Variants in CTTN observed in about 807,000 individuals in gnomAD.
CTTN encodes src substrate cortactin.
Under a neutral mutation model 84.0 loss-of-function variants are expected in CTTN, and 28 were observed. That is an observed-to-expected ratio of 0.33 (90% CI 0.25 to 0.46). CTTN has a LOEUF of 0.46. Ranked by LOEUF, CTTN falls within the 20% of genes least tolerant of loss-of-function variation. The pLI, the probability that CTTN is intolerant of heterozygous loss-of-function variation, is 1.00. For synonymous variants in CTTN, 301 were observed against 288.8 expected (o/e 1.04, Z -0.43); for missense variants, 641 against 723.8 (o/e 0.89, Z 1.31).
intron 12 of CTTN, 116 bp downstream of exon 12, chr11:70,423,111 CGTGGTGGTG>C: frequency 7.9e-7 from 1 of 1,260,870 alleles, no homozygotes; most frequent in Non-Finnish European, 1.1e-6. Context: ...TGATTTCCGT[CGTGGTGGTG>C]GTGGTGGTGG....
intron 17 of CTTN, among the ~76,000 whole-genome samples, chr11:70,434,495 C>T (rs1176785480): frequency 6.6e-6 from 1 of 152,284 alleles, no homozygotes; most frequent in Non-Finnish European, 1.5e-5. Context: ...GAGCGCTGGC[C>T]GTCCCCGTTC....
intron 5 of CTTN, among the ~76,000 whole-genome samples, chr11:70,413,899 A>G (rs920523319): frequency 6.6e-6 from 1 of 152,150 alleles, no homozygotes; most frequent in Non-Finnish European, 1.5e-5. Flanking sequence ...CAGTCTCCAC[A>G]CCAGCGGGTC....
chr11:70,425,837 C>T (rs1436298643), intron 13 of CTTN, among the ~76,000 whole-genome samples: 1 of 152,244 alleles, frequency 6.6e-6, no homozygotes, highest in East Asian at 1.9e-4. Flanking sequence ...GGGCCCTTGA[C>T]AGGGAGCTCG....
At chr11:70,425,518 CT>C in intron 13 of CTTN, 117 bp downstream of exon 13, 1 of 736,036 alleles carries the variant, frequency 1.4e-6, no homozygotes, top group Non-Finnish European at 2.3e-6. Context: ...GTGGTTGTTG[CT>C]GCGTATTTTT....
chr11:70,434,777 G>A (rs1565502343), intron 17 of CTTN, among the ~76,000 whole-genome samples: 3 of 152,228 alleles, frequency 2.0e-5, no homozygotes, highest in Non-Finnish European at 2.9e-5. Context: ...TGCTCCTGAG[G>A]AAGGGGTCCG....
chr11:70,433,241 C>A lies in CTTN; in HGVS notation c.1407C>A (p.Val469=). ...QQGLAYATEA[V]YESAEAPGHY... ...GCCTGGCCTATGCCACAGAGGCTGTCTATGAAAGCGCAGAGGCCCCGGGCC... is the reference window on the plus strand; with the variant it reads ...GCCTGGCCTATGCCACAGAGGCTGTATATGAAAGCGCAGAGGCCCCGGGCC... The change falls in exon 16 of 18, where the codon GTC becomes GTA. Residue 469 remains valine (V), a synonymous_variant. Coordinates refer to ENST00000301843, the MANE Select transcript of CTTN (RefSeq NM_005231.4). 3 of 1,612,982 alleles carry A rather than the reference C, an allele frequency of 1.9e-6. No individual in the cohort carries two copies. Among genetic ancestry groups the A allele is most frequent in the Non-Finnish European group, 2.5e-6 (3 of 1,179,898 alleles).
intron 13 of CTTN, among the ~76,000 whole-genome samples, chr11:70,425,728 C>T (rs2058293212): frequency 6.6e-6 from 1 of 152,196 alleles, no homozygotes; most frequent in Non-Finnish European, 1.5e-5. Context: ...TGGGGCCTGC[C>T]CAACTCCCTG....
chr11:70,403,266 A>G (rs892128710), intron 1 of CTTN, among the ~76,000 whole-genome samples: 4 of 130,164 alleles, frequency 3.1e-5, no homozygotes, highest in African/African-American at 9.7e-5. Context: ...TCGGCTCACT[A>G]CAGCCTCTGT....
chr11:70,412,414 C>G (rs939422769), intron 5 of CTTN, among the ~76,000 whole-genome samples: 1 of 152,002 alleles, frequency 6.6e-6, no homozygotes, highest in African/African-American at 2.4e-5. Flanking sequence ...CAGAGAGAGA[C>G]GCTGTCTCAG....
intron 7 of CTTN, 71 bp from the exon 8 acceptor site, chr11:70,416,937 TTTTGC>T: frequency 9.7e-7 from 1 of 1,033,404 alleles, no homozygotes; most frequent in South Asian, 1.3e-5. Flanking sequence ...CCCTACACAC[TTTTGC>T]TTAGTTTAAC....
At position 70,407,350 on chromosome 11, in the gene CTTN, G is replaced by T. The variant is rs1380855894; in HGVS notation, c.53G>T (p.Gly18Val). The change falls in exon 3 of 18, where the codon GGG (glycine) becomes GTG (valine). Residue 18 changes from glycine (G) to valine (V), a missense_variant. Physicochemically the swap from Gly to Val is moderately radical, Grantham distance 109. Coordinates refer to ENST00000301843, the MANE Select transcript of CTTN (RefSeq NM_005231.4). ...GTGTCCATCGCCCAGGATGACGCGG[G>T]GGCCGATGACTGGGAGACCGACCCT... Reference protein sequence around the residue: ...HAVSIAQDDAGADDWETDPDF... With the variant: ...HAVSIAQDDAVADDWETDPDF... The T allele has an allele frequency of 6.4e-7, 1 of 1,570,710 alleles. No homozygotes were observed. The highest frequency in any genetic ancestry group is 1.2e-5 in the South Asian group (1 of 86,590).
chr11:70,426,004 A>C (rs191970861), intron 13 of CTTN, among the ~76,000 whole-genome samples: 3 of 152,184 alleles, frequency 2.0e-5, no homozygotes, highest in Non-Finnish European at 4.4e-5. Flanking sequence ...TTCAGGGGCT[A>C]TGGACCCACA....
chr11:70,399,228 G>A (rs1266419819), intron 1 of CTTN, among the ~76,000 whole-genome samples: 1 of 151,016 alleles, frequency 6.6e-6, no homozygotes, highest in East Asian at 2.0e-4. Context: ...GGAGATTGGG[G>A]TCTGACGGGA....
At chr11:70,404,140 C>T (rs1220573422) in intron 1 of CTTN, among the ~76,000 whole-genome samples, 2 of 152,118 alleles carry the variant, frequency 1.3e-5, no homozygotes, top group South Asian at 2.1e-4. Context: ...TTAGGATTGC[C>T]GAAGGGAACT....
intron 8 of CTTN, among the ~76,000 whole-genome samples, chr11:70,418,355 C>T (rs561091710): frequency 1.3e-5 from 2 of 152,388 alleles, no homozygotes; most frequent in South Asian, 2.1e-4. Context: ...CTCTTCCCGA[C>T]ACCACACAGT....
chr11:70,422,710 A>C, intron 11 of CTTN: 1 of 1,442,024 alleles, frequency 6.9e-7, no homozygotes, highest in East Asian at 2.9e-5. Flanking sequence ...CCCTCAGGGA[A>C]TGCTGAAGCC....
intron 14 of CTTN, among the ~76,000 whole-genome samples, chr11:70,430,937 C>T (rs2058347570): frequency 6.6e-6 from 1 of 150,880 alleles, no homozygotes; most frequent in Non-Finnish European, 1.5e-5. Flanking sequence ...GCTCCAGCTC[C>T]CCTGCCCCTC....
Position 70,419,827 on chromosome 11 carries a change from G to C in CTTN, c.650G>C (p.Gly217Ala). The change falls in exon 9 of 18, where the codon GGC becomes GCC. Residue 217 changes from glycine (G) to alanine (A), a missense_variant. Transcript: ENST00000301843. Reference protein sequence around the residue: ...DKSAVGFEYQGKTEKHESQKD... With the variant: ...DKSAVGFEYQAKTEKHESQKD... ...AGCGCCGTTGGCTTTGAGTATCAAG[G>C]CAAAACGGAGAAGCACGAGTCCCAG... 1 of 1,613,370 alleles carries C rather than the reference G, an allele frequency of 6.2e-7. No individual in the cohort carries two copies. Among genetic ancestry groups the C allele is most frequent in the East Asian group, 2.2e-5 (1 of 44,878 alleles).
At chr11:70,409,739 G>C in intron 4 of CTTN, 92 bp from the exon 5 acceptor site, 2 of 1,372,708 alleles carry the variant, frequency 1.5e-6, no homozygotes, top group South Asian at 2.5e-5. Context: ...AATTTACAAA[G>C]ATAATGTCAC....
Sources: gnomAD v4.1 joint callset for allele counts (sites outside exome capture counted in the v4.1 genomes callset) on GRCh38, gnomAD v4.1.1 for gene constraint, MANE v1.5 for transcripts, NCBI Gene and HGNC (gene_info 2026-07-23, HGNC 2026-07-21) for gene names.